The following IL7 variants were observed in gnomAD, a reference collection of about 807,000 sequenced individuals.
IL7 encodes interleukin 7.
IL7 carries 3 observed loss-of-function variants against 21.6 expected under a neutral mutation model. The observed-to-expected ratio is 0.14, with a 90% CI of 0.06 to 0.36. The LOEUF (loss-of-function observed/expected upper bound fraction) is 0.36, where lower values mean the gene tolerates loss of function less well. Ranked by LOEUF, IL7 falls within the 10% of genes least tolerant of loss-of-function variation. The probability of loss-of-function intolerance (pLI) is 1.00; values close to 1 mark genes in which losing one functional copy is unlikely to be tolerated. For missense variants in IL7, 175 were observed against 200.2 expected (o/e 0.87, Z 0.76); for synonymous variants, 62 against 68.1 (o/e 0.91, Z 0.44).
rs368409770 is a variant in IL7, at chr8:78,735,423, C to G, written c.414+1051G>C. Among the ~76,000 whole-genome samples, 1,252 of 151,834 alleles carry G rather than the reference C, an allele frequency of 8.2e-3. 20 individuals carry two copies. Among genetic ancestry groups the G allele is most frequent in the African/African-American group, 0.028 (1,160 of 41,414 alleles). ...CACCTCCTGGGTTCAAGTGATTCTC[C>G]TGCCTCAGCCTCCTGAGTAGCTGGG... is the stretch of plus-strand genomic sequence containing the variant. On this transcript the variant is annotated intron_variant, in intron 5 of 5. Transcript: ENST00000263851.
At chr8:78,676,137 AAC>A (rs1809572407) in intron 4 of IL7, 7 of 253,682 alleles carry the variant, frequency 2.8e-5, no homozygotes, top group Admixed American at 5.4e-5. Flanking sequence ...AAAAAAAAAA[AAC>A]AAAATCAGAT....
At position 78,736,225 on chromosome 8, in the gene IL7, T is replaced by G. The variant is rs116256871; in HGVS notation, c.414+249A>C. Among the ~76,000 whole-genome samples, 66 of 128,342 alleles carry G rather than the reference T, an allele frequency of 5.1e-4. 1 individual carries two copies. The East Asian group carries it at 9.4e-3, about 18-fold the overall frequency. 84.2% of individuals were successfully genotyped at this position (128,342 alleles called of 152,430 possible). On this transcript the variant is annotated intron_variant, in intron 5 of 5. Transcript: ENST00000263851. ...CTAGCTGCAATATTTTAATGCTGCT[T>G]CTTCTAAAAAAAAAAAAAATCATGC...
At chr8:78,735,044 A>G (rs1276374920) in intron 5 of IL7, among the ~76,000 whole-genome samples, 4 of 152,166 alleles carry the variant, frequency 2.6e-5, no homozygotes, top group African/African-American at 9.6e-5. Context: ...TAAACAACAG[A>G]TCTCAAAGGG....
At chr8:78,800,581 G>C (rs1268666973) in intron 1 of IL7, among the ~76,000 whole-genome samples, 2 of 152,148 alleles carry the variant, frequency 1.3e-5, no homozygotes, top group East Asian at 3.9e-4. Flanking sequence ...ATTACAAGCT[G>C]TAATTACAAG....
intron 2 of IL7, among the ~76,000 whole-genome samples, chr8:78,758,334 C>T (rs1294651625): frequency 6.6e-6 from 1 of 152,018 alleles, no homozygotes; most frequent in African/African-American, 2.4e-5. Context: ...TTCTGTATAT[C>T]CTTTGTTTCT....
At chr8:78,757,333 TG>T (rs1405115374) in intron 2 of IL7, among the ~76,000 whole-genome samples, 1 of 152,090 alleles carries the variant, frequency 6.6e-6, no homozygotes, top group Non-Finnish European at 1.5e-5. Flanking sequence ...GAACGTTCCA[TG>T]TGCTGGTGAA....
intron 3 of IL7, chr8:78,686,473 C>T: frequency 6.9e-7 from 1 of 1,456,388 alleles, no homozygotes; most frequent in Non-Finnish European, 9.1e-7. Context: ...ATAGCCAGAA[C>T]CACCAAAGAA....
Position 78,694,577 on chromosome 8 carries a change from G to A in IL7, n.215-8630C>T, listed in dbSNP as rs571798616. ...TTACAATTCCATATGGTTTGGCCTG[G>A]AAATTTCTTTTCCTCTCATTTGACA... is the stretch of plus-strand genomic sequence containing the variant. On this transcript the variant is annotated intron_variant and non_coding_transcript_variant, in intron 3 of 4. Coordinates refer to the IL7 transcript ENST00000523959. Among the ~76,000 whole-genome samples, 7 of 152,224 alleles carry A rather than the reference G, an allele frequency of 4.6e-5. No homozygotes were observed. In the South Asian group the frequency reaches 1.0e-3, roughly 23 times the overall value.
chr8:78,796,469 G>A (rs754169816), intron 2 of IL7, among the ~76,000 whole-genome samples: 3 of 151,840 alleles, frequency 2.0e-5, no homozygotes, highest in Non-Finnish European at 2.9e-5. Flanking sequence ...ATTTACAAAT[G>A]TTGTCACAGT....
At chr8:78,688,933 C>T (rs1344334400) in intron 3 of IL7, among the ~76,000 whole-genome samples, 3 of 151,832 alleles carry the variant, frequency 2.0e-5, no homozygotes, top group Non-Finnish European at 4.4e-5. Flanking sequence ...TAACGTTTTT[C>T]CTCTGCTTAC....
Position 78,800,378 on chromosome 8 carries a change from G to A in IL7, c.11-2170C>T, listed in dbSNP as rs537296100. ...AGTGGCATGATCATAGCTCACTGAA[G>A]CCTCAAATTCCTAGGTTCAAGCGAT... On this transcript the variant is annotated intron_variant, in intron 1 of 5. Coordinates refer to ENST00000263851, the MANE Select transcript of IL7 (RefSeq NM_000880.4). 2.0e-5 allele frequency among the ~76,000 whole-genome samples: 3 copies of A among 152,204 alleles called. No homozygotes were observed. In the East Asian group the frequency reaches 5.8e-4, roughly 29 times the overall value.
At chr8:78,677,370 A>G in intron 4 of IL7, among the ~76,000 whole-genome samples, 1 of 152,090 alleles carries the variant, frequency 6.6e-6, no homozygotes, top group East Asian at 1.9e-4. Flanking sequence ...AAAAAATCTG[A>G]ATAGTAGTAG....
intron 4 of IL7, among the ~76,000 whole-genome samples, chr8:78,678,046 C>G (rs765144693): frequency 6.6e-6 from 1 of 152,050 alleles, no homozygotes; most frequent in African/African-American, 2.4e-5. Flanking sequence ...TGAGAATGAC[C>G]AGAGGTCACT....
intron 3 of IL7, among the ~76,000 whole-genome samples, chr8:78,686,185 C>G (rs1809963792): frequency 6.6e-6 from 1 of 152,050 alleles, no homozygotes. Context: ...AACATTGAAC[C>G]ACAGCAACAG....
chr8:78,678,974 C>A, intron 4 of IL7: 1 of 190,108 alleles, frequency 5.3e-6, no homozygotes, highest in East Asian at 1.2e-4. Flanking sequence ...TGCTGTCCCA[C>A]ATTCTTTTCA....
intron 2 of IL7, among the ~76,000 whole-genome samples, chr8:78,765,976 G>A (rs1210315822): frequency 6.6e-6 from 1 of 151,914 alleles, no homozygotes; most frequent in Non-Finnish European, 1.5e-5. Flanking sequence ...TCCAGACAAT[G>A]GAATATTTTT....
At chr8:78,762,370 CA>C (rs1245993737) in intron 2 of IL7, 1 of 1,612,416 alleles carries the variant, frequency 6.2e-7, no homozygotes, top group African/African-American at 1.3e-5. Flanking sequence ...TGAAGAAGGC[CA>C]AGTCAAGTCG....
chr8:78,736,222 G>C (rs1194275573), intron 5 of IL7, among the ~76,000 whole-genome samples: 1 of 129,436 alleles, frequency 7.7e-6, no homozygotes, highest in East Asian at 2.0e-4. Context: ...TTTTAATGCT[G>C]CTTCTTCTAA....
At chr8:78,687,295 A>T (rs1296017605) in intron 3 of IL7, among the ~76,000 whole-genome samples, 1 of 151,680 alleles carries the variant, frequency 6.6e-6, no homozygotes, top group East Asian at 1.9e-4. Context: ...ATTGGGATTT[A>T]TTTTCTAACA....
Sources: allele counts gnomAD v4.1 joint callset (sites outside exome capture counted in the v4.1 genomes callset), GRCh38; gene constraint gnomAD v4.1.1; transcripts MANE v1.5; gene names NCBI Gene and HGNC (gene_info 2026-07-23, HGNC 2026-07-21).